The following UFM1 variants were observed in gnomAD, a reference collection of about 807,000 sequenced individuals.
UFM1 encodes ubiquitin fold modifier 1, also known as ubiquitin-fold modifier 1.
A neutral mutation model predicts 15.4 loss-of-function variants in UFM1; 9 were observed. The observed-to-expected ratio is 0.59, with a 90% CI of 0.35 to 1.02. UFM1 has a LOEUF of 1.02. Ranked by LOEUF, UFM1 falls within the 50% of genes least tolerant of loss-of-function variation. UFM1 has a pLI of 0.02. For synonymous variants in UFM1, 27 were observed against 36.3 expected (o/e 0.74, Z 0.92); for missense variants, 98 against 104.7 (o/e 0.94, Z 0.28).
At chr13:38,355,897 C>G (rs2481879) in intron 3 of UFM1, among the ~76,000 whole-genome samples, 130,488 of 151,660 alleles carry the variant, frequency 0.86, 58,531 homozygotes, top group East Asian at 0.99. Context: ...TTAAATCCCT[C>G]GTAAAATTGC....
chr13:38,350,228 G>A, intron 2 of UFM1, 173 bp downstream of exon 2: 1 of 1,606,684 alleles, frequency 6.2e-7, no homozygotes. Flanking sequence ...GCGAGGAGAG[G>A]TCCGTACTTG....
Position 38,363,449 on chromosome 13 carries a change from C to T in UFM1, c.*2671C>T, listed in dbSNP as rs1879513178. On this transcript the variant is annotated 3_prime_UTR_variant, in exon 6 of 6. Transcript: ENST00000239878. ...TTTCTCAGAATTTGTTCCTGTGATT[C>T]AGTGATACATAACAGTACTTGCAAA... 1 of 148,322 alleles carries T rather than the reference C, an allele frequency of 6.7e-6. No homozygotes were observed. The highest frequency in any genetic ancestry group is 1.5e-5 in the Non-Finnish European group (1 of 67,602). 9.2% of individuals were successfully genotyped at this position (148,322 alleles called of 1,614,324 possible).
intron 2 of UFM1, among the ~76,000 whole-genome samples, chr13:38,351,601 G>A (rs1878853811): frequency 6.6e-6 from 1 of 152,138 alleles, no homozygotes; most frequent in South Asian, 2.1e-4. Flanking sequence ...TCTTGTCAAG[G>A]TTAAAGTAGA....
At chr13:38,354,144 G>A (rs1230565263) in intron 2 of UFM1, 95 bp from the exon 3 acceptor site, 26 of 1,098,114 alleles carry the variant, frequency 2.4e-5, no homozygotes, top group Non-Finnish European at 3.4e-5. Flanking sequence ...AGACAGCTTT[G>A]TCCAGATTGG....
rs1043511806 is a variant in UFM1, at chr13:38,363,584, G to A, written c.*2806G>A. On this transcript the variant is annotated 3_prime_UTR_variant, in exon 6 of 6. Transcript: ENST00000239878. ...TCCAAACCTGGGTGATAACAGAGTC[G>A]CCTAGGAAATTAAAAATACAGATTT... 1 of 151,688 alleles carries A rather than the reference G, an allele frequency of 6.6e-6. No individual in the cohort carries two copies. Among genetic ancestry groups the A allele is most frequent in the African/African-American group, 2.4e-5 (1 of 41,292 alleles). The allele number at this position is 151,688 out of a possible 1,614,324, so 9.4% of individuals were successfully genotyped here.
chr13:38,361,077 A>ATT lies in UFM1; in HGVS notation c.*309_*310dup. ...AACTGTTAACTGGAAGCTTTTGATA[A>ATT]TTTTTTTTTTTAGAACAATTTGGAA... On this transcript the variant is annotated 3_prime_UTR_variant, in exon 6 of 6. Transcript: ENST00000239878. The ATT allele has an allele frequency of 4.6e-5, 10 of 215,328 alleles. No homozygotes were observed. Among genetic ancestry groups the ATT allele is most frequent in the Non-Finnish European group, 7.2e-5 (8 of 110,906 alleles). 13.3% of individuals were successfully genotyped at this position (215,328 alleles called of 1,614,324 possible). A position where few individuals can be genotyped will look rare whatever the true frequency, so the allele number is the denominator to read the frequency against.
rs1418098721 is a variant in UFM1, at chr13:38,349,932, G to A, written c.2+11G>A. On this transcript the variant is annotated intron_variant, in intron 1 of 5. Coordinates refer to ENST00000239878, the MANE Select transcript of UFM1 (RefSeq NM_016617.4). Reference sequence around the variant, plus strand: ...TTCCGGCACCACCATGTAAGTGTTTGCTTACCGACTGCCATAATTCCTGGT... The same window carrying A: ...TTCCGGCACCACCATGTAAGTGTTTACTTACCGACTGCCATAATTCCTGGT... The A allele has an allele frequency of 6.2e-7, 1 of 1,613,892 alleles. No individual in the cohort carries two copies. Among genetic ancestry groups the A allele is most frequent in the African/African-American group, 1.3e-5 (1 of 74,908 alleles).
intron 5 of UFM1, 45 bp downstream of exon 5, chr13:38,359,378 G>A: frequency 6.3e-7 from 1 of 1,591,712 alleles, no homozygotes; most frequent in Non-Finnish European, 8.6e-7. Context: ...GGTTATATAT[G>A]TCAATTGACA....
In UFM1 at chr13:38,349,892, T is replaced by A. The variant is rs1235489975; in HGVS notation, c.-28T>A. 1 of 1,613,976 alleles carries A rather than the reference T, an allele frequency of 6.2e-7. No homozygotes were observed. Among genetic ancestry groups the A allele is most frequent in the Non-Finnish European group, 8.5e-7 (1 of 1,180,028 alleles). On this transcript the variant is annotated 5_prime_UTR_variant, in exon 1 of 6. Coordinates refer to ENST00000239878, the MANE Select transcript of UFM1 (RefSeq NM_016617.4). ...TCGTGCTACCCCCGCGGAGTTGTCGTGTGTTCTGGATTCATTCCGGCACCA... is the reference window on the plus strand; with the variant it reads ...TCGTGCTACCCCCGCGGAGTTGTCGAGTGTTCTGGATTCATTCCGGCACCA...
chr13:38,353,179 G>A (rs1356852675), intron 2 of UFM1, among the ~76,000 whole-genome samples: 1 of 152,090 alleles, frequency 6.6e-6, no homozygotes, highest in Non-Finnish European at 1.5e-5. Flanking sequence ...ACCATATGCT[G>A]TTCCTGTTAT....
chr13:38,354,024 C>T (rs930239946), intron 2 of UFM1, among the ~76,000 whole-genome samples: 2 of 152,048 alleles, frequency 1.3e-5, no homozygotes, highest in Non-Finnish European at 2.9e-5. Context: ...GGAGCTCGGG[C>T]ACCATCCCAG....
At chr13:38,353,108 T>G (rs571764422) in intron 2 of UFM1, among the ~76,000 whole-genome samples, 1 of 152,296 alleles carries the variant, frequency 6.6e-6, no homozygotes, top group Admixed American at 6.5e-5. Context: ...AATAGTATTT[T>G]GGAGTTGTGG....
chr13:38,356,633 T>C (rs981953518), intron 3 of UFM1, among the ~76,000 whole-genome samples: 1 of 149,376 alleles, frequency 6.7e-6, no homozygotes, highest in African/African-American at 2.4e-5. Flanking sequence ...ACTATGTATA[T>C]GTAATGATTA....
In UFM1 at chr13:38,363,583, C is replaced by T. The variant is rs560391253; in HGVS notation, c.*2805C>T. Reference sequence around the variant, plus strand: ...TTCCAAACCTGGGTGATAACAGAGTCGCCTAGGAAATTAAAAATACAGATT... The same window carrying T: ...TTCCAAACCTGGGTGATAACAGAGTTGCCTAGGAAATTAAAAATACAGATT... On this transcript the variant is annotated 3_prime_UTR_variant, in exon 6 of 6. Coordinates refer to ENST00000239878, the MANE Select transcript of UFM1 (RefSeq NM_016617.4). 1.6e-4 allele frequency: 25 copies of T among 151,742 alleles called. No homozygotes were observed. Among genetic ancestry groups the T allele is most frequent in the Middle Eastern group, 3.4e-3 (1 of 290 alleles). The allele number at this position is 151,742 out of a possible 1,614,324, so 9.4% of individuals were successfully genotyped here.
At chr13:38,359,417 T>C (rs1879273728) in intron 5 of UFM1, 84 bp downstream of exon 5, 5 of 1,450,136 alleles carry the variant, frequency 3.4e-6, no homozygotes, top group Admixed American at 1.7e-5. Context: ...CTAATTACAC[T>C]TGACAGTATT....
At position 38,361,747 on chromosome 13, in the gene UFM1, T is replaced by C. The variant is rs1879399232; in HGVS notation, c.*969T>C. ...GAAAGGAAAGATGGGGAAGCCCAGA[T>C]CACCAGGCTTCTATTAAGGAGGAAA... On this transcript the variant is annotated 3_prime_UTR_variant, in exon 6 of 6. Transcript: ENST00000239878. The C allele has an allele frequency of 6.6e-6, 1 of 152,188 alleles. No homozygotes were observed. The highest frequency in any genetic ancestry group is 1.5e-5 in the Non-Finnish European group (1 of 68,082). 9.4% of individuals were successfully genotyped at this position (152,188 alleles called of 1,614,324 possible).
chr13:38,350,275 C>T lies in UFM1; in HGVS notation c.59+220C>T, dbSNP rs560460635. 249 of 1,547,694 alleles carry T rather than the reference C, an allele frequency of 1.6e-4. 2 individuals carry two copies. In the South Asian group the frequency reaches 1.8e-3, roughly 11 times the overall value. On this transcript the variant is annotated intron_variant, in intron 2 of 5. Transcript: ENST00000239878. ...TCAGCTTGGCAGCTTGGCCCCGTCA[C>T]GAGGGTGTGGGTGTGTTTCTGATTA...
chr13:38,354,537 A>G (rs578161373), intron 3 of UFM1: 1 of 359,112 alleles, frequency 2.8e-6, no homozygotes, highest in Non-Finnish European at 5.0e-6. Flanking sequence ...ATGAATTTTT[A>G]TGAGAATTTT....
rs1166013811 is a variant in UFM1 at position 38,354,259 on chromosome 13, C to T, written c.80C>T (p.Thr27Ile). 6.2e-7 allele frequency: 1 copy of T among 1,609,488 alleles called. No individual in the cohort carries two copies. The highest frequency in any genetic ancestry group is 1.7e-5 in the Admixed American group (1 of 59,812). The change falls in exon 3 of 6, where the codon ACA (threonine) becomes ATA (isoleucine). Residue 27 changes from threonine to isoleucine, a missense_variant. Coordinates refer to ENST00000239878, the MANE Select transcript of UFM1 (RefSeq NM_016617.4). ...TGCAGACTCAGTGTTCCTGAAAGTA[C>T]ACCTTTCACAGCAGTCTTAAAGTTT... The part of the protein sequence containing the change: ...PYKVLSVPES[T>I]PFTAVLKFAA...
Sources: allele counts gnomAD v4.1 joint callset (sites outside exome capture counted in the v4.1 genomes callset), GRCh38; gene constraint gnomAD v4.1.1; transcripts MANE v1.5; gene names NCBI Gene and HGNC (gene_info 2026-07-23, HGNC 2026-07-21).